Variants in FSTL4 observed in about 807,000 individuals in gnomAD.
FSTL4 encodes follistatin like 4.
A neutral mutation model predicts 78.2 loss-of-function variants in FSTL4; 28 were observed. That is an observed-to-expected ratio of 0.36 (90% CI 0.27 to 0.49). FSTL4 has a LOEUF of 0.49. Among genes scored for constraint, FSTL4 ranks in the 20% least tolerant of loss-of-function variants. The pLI is 0.98. For synonymous variants in FSTL4, 422 were observed against 440.5 expected, an observed-to-expected ratio of 0.96 and a Z score of 0.53; for missense variants, 922 against 1,084.9, an observed-to-expected ratio of 0.85 and a Z score of 2.11.
chr5:133,218,698 T>C (rs1446909865), intron 12 of FSTL4, among the ~76,000 whole-genome samples: 2 of 152,214 alleles, frequency 1.3e-5, no homozygotes, highest in Non-Finnish European at 2.9e-5. Flanking sequence ...CAGGGTTTAT[T>C]TTCTCATTTC....
intron 7 of FSTL4, among the ~76,000 whole-genome samples, chr5:133,240,410 G>C (rs1231743461): frequency 1.3e-5 from 2 of 152,212 alleles, no homozygotes; most frequent in Non-Finnish European, 2.9e-5. Flanking sequence ...GTAGCTGTCT[G>C]AGCCCCCTGG....
chr5:133,596,351 C>T lies in FSTL4; in HGVS notation c.126+7507G>A, dbSNP rs369093009. Among the ~76,000 whole-genome samples, 13 of 152,348 alleles carry T rather than the reference C, an allele frequency of 8.5e-5. No homozygotes were observed. In the South Asian group the frequency reaches 2.5e-3, roughly 29 times the overall value. Reference sequence around the variant, plus strand: ...CAACTCCCTCACAGGTGGGGAGGCGCTTCTGTCAGCTGCATCACAGACTCA... The same window carrying T: ...CAACTCCCTCACAGGTGGGGAGGCGTTTCTGTCAGCTGCATCACAGACTCA... On this transcript the variant is annotated intron_variant, in intron 2 of 15. Transcript: ENST00000265342.
intron 6 of FSTL4, among the ~76,000 whole-genome samples, chr5:133,281,577 A>G (rs888375371): frequency 1.3e-5 from 2 of 151,954 alleles, no homozygotes; most frequent in Non-Finnish European, 2.9e-5. Context: ...CTGGGCCAGG[A>G]CTCTTCTATG....
At chr5:133,736,762 G>A in the FSTL4 span, among the ~76,000 whole-genome samples, 1 of 152,124 alleles carries the variant, frequency 6.6e-6, no homozygotes. Flanking sequence ...CAGCCTGCTG[G>A]TGTCCAACCT....
At chr5:133,412,395 T>TA (rs1307860146) in intron 3 of FSTL4, among the ~76,000 whole-genome samples, 1 of 151,846 alleles carries the variant, frequency 6.6e-6, no homozygotes, top group Non-Finnish European at 1.5e-5. Flanking sequence ...TAATAAGAGT[T>TA]ACCACTCCAA....
At chr5:133,579,602 G>T (rs1760358971) in intron 2 of FSTL4, among the ~76,000 whole-genome samples, 1 of 152,144 alleles carries the variant, frequency 6.6e-6, no homozygotes, top group African/African-American at 2.4e-5. Context: ...AGGAGTTCAT[G>T]TTTAAATTAT....
chr5:133,686,723 T>G, the FSTL4 span, among the ~76,000 whole-genome samples: 23 of 152,234 alleles, frequency 1.5e-4, no homozygotes, highest in Admixed American at 8.5e-4. Flanking sequence ...TATTCAGAGT[T>G]ACAAGGATAG....
At chr5:133,421,882 A>C (rs1756703980) in intron 3 of FSTL4, among the ~76,000 whole-genome samples, 1 of 152,230 alleles carries the variant, frequency 6.6e-6, no homozygotes. Flanking sequence ...TATGGAGCTT[A>C]TATTTGAGTG....
At chr5:133,528,262 C>T (rs142253312) in intron 3 of FSTL4, among the ~76,000 whole-genome samples, 2 of 152,356 alleles carry the variant, frequency 1.3e-5, no homozygotes, top group African/African-American at 4.8e-5. Flanking sequence ...ACAAGCTCTG[C>T]CAACCTTTCT....
chr5:133,209,140 AG>A (rs1428452064), intron 14 of FSTL4, among the ~76,000 whole-genome samples: 2 of 152,090 alleles, frequency 1.3e-5, no homozygotes, highest in African/African-American at 4.8e-5. Context: ...TGTGGTGTCC[AG>A]GCTCTCTGAT....
chr5:133,695,316 G>A, the FSTL4 span, among the ~76,000 whole-genome samples: 4 of 152,216 alleles, frequency 2.6e-5, no homozygotes, highest in South Asian at 2.1e-4. Flanking sequence ...GCTCACATTC[G>A]TGATCTGTGG....
At chr5:133,489,307 G>T (rs903133903) in intron 3 of FSTL4, among the ~76,000 whole-genome samples, 2 of 152,206 alleles carry the variant, frequency 1.3e-5, no homozygotes, top group Non-Finnish European at 2.9e-5. Context: ...AGTGTCATGA[G>T]AGGCGAGGAA....
chr5:133,630,978 C>T, the FSTL4 span, among the ~76,000 whole-genome samples: 1 of 152,282 alleles, frequency 6.6e-6, no homozygotes, highest in Admixed American at 6.5e-5. Context: ...CTTCCTTACA[C>T]CTTATACAAA....
intron 3 of FSTL4, among the ~76,000 whole-genome samples, chr5:133,485,336 GC>G (rs1238448547): frequency 6.6e-6 from 1 of 152,240 alleles, no homozygotes; most frequent in Non-Finnish European, 1.5e-5. Context: ...CACAGAGAAA[GC>G]AGGAGGGAAC....
At chr5:133,212,257 T>G (rs1283470245) in intron 13 of FSTL4, among the ~76,000 whole-genome samples, 1 of 152,238 alleles carries the variant, frequency 6.6e-6, no homozygotes, top group Non-Finnish European at 1.5e-5. Context: ...TCCTTTCTGC[T>G]TAACCTTCTC....
At chr5:133,290,430 A>G (rs1178445147) in intron 6 of FSTL4, among the ~76,000 whole-genome samples, 1 of 152,172 alleles carries the variant, frequency 6.6e-6, no homozygotes, top group Non-Finnish European at 1.5e-5. Flanking sequence ...TGGCATGGAG[A>G]TAAGGCAAAG....
chr5:133,201,943 T>C lies in FSTL4; in HGVS notation c.1816A>G (p.Asn606Asp). 6.3e-7 allele frequency: 1 copy of C among 1,597,172 alleles called. No homozygotes were observed. The highest frequency in any genetic ancestry group is 8.6e-7 in the Non-Finnish European group (1 of 1,167,462). Reference protein sequence around the residue: ...FFIPPTNLIINHIRFGFIFNK... With the variant: ...FFIPPTNLIIDHIRFGFIFNK... ...ATGGGCCAGTCTCACCTGATGTGGT[T>C]GATGATGAGGTTTGTTGGGGGAATG... Residue 606 changes from asparagine to aspartate, a missense_variant, in exon 15 of 16, where the codon AAC becomes GAC. Coordinates refer to ENST00000265342, the MANE Select transcript of FSTL4 (RefSeq NM_015082.2).
At chr5:133,445,275 G>A (rs1370898734) in intron 3 of FSTL4, among the ~76,000 whole-genome samples, 1 of 152,222 alleles carries the variant, frequency 6.6e-6, no homozygotes. Flanking sequence ...GGATTTCCAG[G>A]TGAGGGACTG....
At chr5:133,335,150 A>C (rs1580627996) in intron 4 of FSTL4, among the ~76,000 whole-genome samples, 1 of 152,182 alleles carries the variant, frequency 6.6e-6, no homozygotes, top group Non-Finnish European at 1.5e-5. Context: ...CTCCTGGCTC[A>C]GAGGTATCGG....
Sources: gnomAD v4.1 joint callset for allele counts (sites outside exome capture counted in the v4.1 genomes callset) on GRCh38, gnomAD v4.1.1 for gene constraint, MANE v1.5 for transcripts, NCBI Gene and HGNC (gene_info 2026-07-23, HGNC 2026-07-21) for gene names.